The following RASGRF2 variants were observed in gnomAD, a reference collection of about 807,000 sequenced individuals.
The protein encoded by RASGRF2 is Ras protein specific guanine nucleotide releasing factor 2.
Under a neutral mutation model 151.0 loss-of-function variants are expected in RASGRF2, and 76 were observed. That is an observed-to-expected ratio of 0.50 (90% CI 0.42 to 0.61). RASGRF2 has a LOEUF of 0.61. RASGRF2 is among the 20% of genes least tolerant of loss of function. The probability of loss-of-function intolerance (pLI) is 0.00; values close to 1 mark genes in which losing one functional copy is unlikely to be tolerated. For synonymous variants in RASGRF2, 504 were observed against 566.5 expected (o/e 0.89, Z 1.57); for missense variants, 1,148 against 1,564.6 (o/e 0.73, Z 4.49).
intron 1 of RASGRF2, among the ~76,000 whole-genome samples, chr5:80,978,290 T>C (rs1748191711): frequency 6.6e-6 from 1 of 152,242 alleles, no homozygotes; most frequent in Non-Finnish European, 1.5e-5. Context: ...AGTACCGTGT[T>C]AATAGAACAT....
intron 1 of RASGRF2, among the ~76,000 whole-genome samples, chr5:80,995,905 C>G (rs187052669): frequency 9.9e-5 from 15 of 152,068 alleles, no homozygotes; most frequent in African/African-American, 3.6e-4. Flanking sequence ...GTTGGCCAGG[C>G]TGGTCTCGAA....
intron 17 of RASGRF2, among the ~76,000 whole-genome samples, chr5:81,165,784 A>G (rs1453958526): frequency 6.6e-6 from 1 of 151,942 alleles, no homozygotes; most frequent in South Asian, 2.1e-4. Context: ...CACTCTCTTC[A>G]TGGCCACTTC....
intron 17 of RASGRF2, among the ~76,000 whole-genome samples, chr5:81,155,469 G>C (rs1377703404): frequency 6.6e-6 from 1 of 152,138 alleles, no homozygotes; most frequent in East Asian, 1.9e-4. Flanking sequence ...ATCAGTAAAA[G>C]ACAAGATAAG....
At chr5:81,003,365 G>A (rs1287052178) in intron 1 of RASGRF2, among the ~76,000 whole-genome samples, 1 of 152,062 alleles carries the variant, frequency 6.6e-6, no homozygotes, top group African/African-American at 2.4e-5. Context: ...TGGGACTACA[G>A]GTGCCCACCA....
At chr5:81,192,777 T>C (rs1755177988) in intron 18 of RASGRF2, among the ~76,000 whole-genome samples, 1 of 152,234 alleles carries the variant, frequency 6.6e-6, no homozygotes, top group African/African-American at 2.4e-5. Flanking sequence ...TCAAGGCTGA[T>C]TTGCATATAT....
chr5:81,108,592 C>G (rs147768531), intron 12 of RASGRF2, among the ~76,000 whole-genome samples: 3 of 152,286 alleles, frequency 2.0e-5, no homozygotes, highest in South Asian at 2.1e-4. Context: ...TACACCACCC[C>G]CTGGTTGCAG....
chr5:80,995,425 C>A (rs1748814733), intron 1 of RASGRF2, among the ~76,000 whole-genome samples: 1 of 150,774 alleles, frequency 6.6e-6, no homozygotes, highest in South Asian at 2.1e-4. Flanking sequence ...CACAGGCAGG[C>A]ACACATATAT....
chr5:81,119,133 A>G (rs969029652), intron 15 of RASGRF2, among the ~76,000 whole-genome samples: 7 of 152,118 alleles, frequency 4.6e-5, no homozygotes, highest in African/African-American at 1.2e-4. Context: ...CATTCCTTCA[A>G]ACTCTTCCAG....
intron 2 of RASGRF2, among the ~76,000 whole-genome samples, chr5:81,063,275 C>G (rs1751498164): frequency 6.6e-6 from 1 of 152,018 alleles, no homozygotes; most frequent in Non-Finnish European, 1.5e-5. Flanking sequence ...TAGATGGAGT[C>G]TCTCTCTGTT....
At chr5:81,015,336 C>T (rs1036815750) in intron 1 of RASGRF2, among the ~76,000 whole-genome samples, 2 of 152,014 alleles carry the variant, frequency 1.3e-5, no homozygotes, top group African/African-American at 2.4e-5. Context: ...CTTGAGGAAT[C>T]GCCACACTGT....
At chr5:81,179,527 A>G (rs963949560) in intron 17 of RASGRF2, among the ~76,000 whole-genome samples, 1 of 152,272 alleles carries the variant, frequency 6.6e-6, no homozygotes, top group Non-Finnish European at 1.5e-5. Flanking sequence ...TAGATATTAT[A>G]TTCTTATGGG....
At chr5:81,134,604 CT>C (rs1426411161) in intron 17 of RASGRF2, among the ~76,000 whole-genome samples, 1 of 152,184 alleles carries the variant, frequency 6.6e-6, no homozygotes, top group Non-Finnish European at 1.5e-5. Context: ...TTTACAGGCT[CT>C]TTAGTTGATT....
chr5:81,183,940 T>C (rs916450506), intron 18 of RASGRF2, among the ~76,000 whole-genome samples: 4 of 152,244 alleles, frequency 2.6e-5, no homozygotes, highest in Non-Finnish European at 4.4e-5. Context: ...ACAGGAGAGA[T>C]GCACATTTCA....
intron 1 of RASGRF2, among the ~76,000 whole-genome samples, chr5:81,032,707 C>A (rs1102235): frequency 1.3e-5 from 2 of 150,814 alleles, no homozygotes; most frequent in East Asian, 2.0e-4. Flanking sequence ...ATGGGCAAAA[C>A]CTGGAAGCAT....
At chr5:81,108,159 C>T (rs938236289) in intron 12 of RASGRF2, among the ~76,000 whole-genome samples, 14 of 152,158 alleles carry the variant, frequency 9.2e-5, no homozygotes, top group African/African-American at 3.4e-4. Context: ...AGTATCATAG[C>T]GACTAGAAGC....
intron 1 of RASGRF2, among the ~76,000 whole-genome samples, chr5:80,985,186 TG>T (rs758481206): frequency 9.2e-5 from 14 of 152,190 alleles, no homozygotes; most frequent in East Asian, 3.8e-4. Flanking sequence ...CACTCCAGCC[TG>T]GGCAACAGAG....
At position 81,217,811 on chromosome 5, in the gene RASGRF2, C is replaced by T. The variant is rs539934030; in HGVS notation, c.3552+338C>T. The stretch of plus-strand genomic sequence containing the variant: ...AGGCTGGAGTGCAGTGGCGCAATCT[C>T]GGCTCACTGCAAGCTCCGCCTCCCG... On this transcript the variant is annotated intron_variant, in intron 25 of 26. Coordinates refer to ENST00000265080, the MANE Select transcript of RASGRF2 (RefSeq NM_006909.3). Among the ~76,000 whole-genome samples, 384 of 150,484 alleles carry T rather than the reference C, an allele frequency of 2.6e-3. 1 individual carries two copies. Among genetic ancestry groups the T allele is most frequent in the Non-Finnish European group, 2.6e-3 (177 of 67,656 alleles).
chr5:81,066,913 T>C (rs1580274578), intron 2 of RASGRF2, among the ~76,000 whole-genome samples: 1 of 152,124 alleles, frequency 6.6e-6, no homozygotes, highest in Non-Finnish European at 1.5e-5. Context: ...AAAGAGGAGG[T>C]AAGTGTGTGG....
chr5:81,084,071 A>G (rs187433169), intron 7 of RASGRF2, among the ~76,000 whole-genome samples: 77 of 152,332 alleles, frequency 5.1e-4, no homozygotes, highest in African/African-American at 1.8e-3. Context: ...TTCCTTCACC[A>G]TAAGGCAGAA....
Sources: allele counts gnomAD v4.1 joint callset (sites outside exome capture counted in the v4.1 genomes callset), GRCh38; gene constraint gnomAD v4.1.1; transcripts MANE v1.5; gene names NCBI Gene and HGNC (gene_info 2026-07-23, HGNC 2026-07-21).